Variants in CSMD3 observed in about 807,000 individuals in gnomAD.
CSMD3 encodes CUB and Sushi multiple domains 3, also known as CUB and sushi domain-containing protein 3.
In CSMD3, 177 loss-of-function variants were observed where a neutral mutation model predicts 435.2. That is an observed-to-expected ratio of 0.41 (90% CI 0.36 to 0.46). The LOEUF (loss-of-function observed/expected upper bound fraction) is 0.46, where lower values mean the gene tolerates loss of function less well. CSMD3 is among the 20% of genes least tolerant of loss of function. The pLI, the probability that CSMD3 is intolerant of heterozygous loss-of-function variation, is 0.34. For missense variants in CSMD3, 4,265 were observed against 4,504.6 expected (o/e 0.95, Z 1.52); for synonymous variants, 1,656 against 1,520.5 (o/e 1.09, Z -2.07).
chr8:113,429,010 A>G (rs2094653549), intron 1 of CSMD3, among the ~76,000 whole-genome samples: 1 of 151,828 alleles, frequency 6.6e-6, no homozygotes, highest in Admixed American at 6.6e-5. Context: ...TTATGAACTT[A>G]GCTTTTTAAG....
At chr8:112,978,695 T>C (rs2084940631) in intron 6 of CSMD3, among the ~76,000 whole-genome samples, 1 of 152,034 alleles carries the variant, frequency 6.6e-6, no homozygotes, top group African/African-American at 2.4e-5. Flanking sequence ...ACCAGATATG[T>C]ATTCCAACCA....
chr8:112,700,924 C>T (rs905383289), intron 13 of CSMD3, among the ~76,000 whole-genome samples: 5 of 152,138 alleles, frequency 3.3e-5, no homozygotes, highest in Admixed American at 3.3e-4. Flanking sequence ...TCTCCCAAAA[C>T]AGATGGTTCT....
At chr8:112,581,652 A>G (rs1263280868) in intron 23 of CSMD3, among the ~76,000 whole-genome samples, 1 of 152,100 alleles carries the variant, frequency 6.6e-6, no homozygotes, top group African/African-American at 2.4e-5. Context: ...AGCATTTACT[A>G]TACGACAAGC....
At chr8:112,395,359 C>T (rs760037516) in intron 35 of CSMD3, among the ~76,000 whole-genome samples, 19 of 151,854 alleles carry the variant, frequency 1.3e-4, no homozygotes, top group Non-Finnish European at 2.5e-4. Flanking sequence ...ATTCAAATGC[C>T]AAAAATTGCT....
chr8:112,808,763 C>G (rs2079152177), intron 12 of CSMD3, among the ~76,000 whole-genome samples: 1 of 151,904 alleles, frequency 6.6e-6, no homozygotes, highest in South Asian at 2.1e-4. Context: ...CTTTCTAAAC[C>G]AAAGTATAAC....
intron 5 of CSMD3, among the ~76,000 whole-genome samples, chr8:113,043,118 G>C (rs1382390436): frequency 1.3e-5 from 2 of 152,130 alleles, no homozygotes; most frequent in African/African-American, 2.4e-5. Flanking sequence ...AACTTGTTAA[G>C]TTGTCACACG....
rs2093339271 is a variant in CSMD3, at chr8:113,252,047, A to G, written c.514+26545T>C. Among the ~76,000 whole-genome samples the G allele has an allele frequency of 3.9e-5, 6 of 152,078 alleles. No homozygotes were observed. The South Asian group carries it at 1.2e-3, about 32-fold the overall frequency. On this transcript the variant is annotated intron_variant, in intron 3 of 70. Coordinates refer to ENST00000297405, the MANE Select transcript of CSMD3 (RefSeq NM_198123.2). ...ACCATAAGTGTAATTTACTTTTTAT[A>G]TTTTTCATACTGCTGCTATTATACT...
intron 31 of CSMD3, among the ~76,000 whole-genome samples, chr8:112,485,310 T>G (rs1346832228): frequency 6.6e-6 from 1 of 152,146 alleles, no homozygotes; most frequent in Non-Finnish European, 1.5e-5. Context: ...TGAACAAAAT[T>G]CCTGTGTGCT....
At chr8:112,467,631 A>T (rs538098546) in intron 32 of CSMD3, among the ~76,000 whole-genome samples, 2 of 152,298 alleles carry the variant, frequency 1.3e-5, no homozygotes, top group Admixed American at 6.5e-5. Flanking sequence ...GGGATTTTGC[A>T]GATGTGATTA....
At chr8:112,876,861 A>G (rs1216876224) in intron 10 of CSMD3, among the ~76,000 whole-genome samples, 1 of 152,142 alleles carries the variant, frequency 6.6e-6, no homozygotes, top group Non-Finnish European at 1.5e-5. Flanking sequence ...ACAAAACCCC[A>G]TTGTCTCAGC....
At chr8:112,360,459 A>G (rs1398984965) in intron 38 of CSMD3, among the ~76,000 whole-genome samples, 1 of 151,990 alleles carries the variant, frequency 6.6e-6, no homozygotes, top group Non-Finnish European at 1.5e-5. Context: ...AAATGACACA[A>G]AACTCTATAA....
intron 59 of CSMD3, among the ~76,000 whole-genome samples, chr8:112,273,958 A>C (rs1308183474): frequency 2.6e-5 from 4 of 151,566 alleles, no homozygotes. Context: ...AAAGCTATAC[A>C]GTATGGAGAG....
At chr8:113,008,974 T>C (rs1236050562) in intron 6 of CSMD3, among the ~76,000 whole-genome samples, 1 of 151,404 alleles carries the variant, frequency 6.6e-6, no homozygotes, top group Non-Finnish European at 1.5e-5. Context: ...AAATGTAAAA[T>C]ATATTAGTAA....
Position 112,336,737 on chromosome 8 carries a change from G to A in CSMD3, c.6934C>T (p.Leu2312Phe), listed in dbSNP as rs779974197. ...CCATTCCCAGGGGGTACTCTTACAA[G>A]CCAAAAACAATCTTGAAAGTTTGGA... ...EYPNFQDCFW[L>F]VRVPPGNGIY... Residue 2312 changes from leucine (L) to phenylalanine (F), a missense_variant, in exon 44 of 71, where the codon CTT (leucine) becomes TTT (phenylalanine). Physicochemically the swap from Leu to Phe is conservative, Grantham distance 22. Around this residue, in one of 3 missense-constraint regions of CSMD3, gnomAD observed 3,255 missense variants for 3,380.2 expected, o/e 0.96. Transcript: ENST00000297405. 1.2e-6 allele frequency: 2 copies of A among 1,612,892 alleles called. No individual in the cohort carries two copies. The highest frequency in any genetic ancestry group is 1.1e-5 in the South Asian group (1 of 91,066).
At chr8:112,865,629 G>T (rs1368132875) in intron 10 of CSMD3, among the ~76,000 whole-genome samples, 1 of 150,474 alleles carries the variant, frequency 6.6e-6, no homozygotes, top group East Asian at 2.0e-4. Context: ...TCCATACAAG[G>T]CCTATTCTGC....
rs1007737137 is a variant in CSMD3, at chr8:112,256,680, A to G, written c.9863-1253T>C. Among the ~76,000 whole-genome samples the G allele has an allele frequency of 9.2e-5, 14 of 152,360 alleles. No homozygotes were observed. The South Asian group carries it at 2.9e-3, about 32-fold the overall frequency. On this transcript the variant is annotated intron_variant, in intron 61 of 70. Coordinates refer to ENST00000297405, the MANE Select transcript of CSMD3 (RefSeq NM_198123.2). ...ATGTTTTTATTGTGGCAAAGAAAATACATAACATATAATTTATAAATTTAA... is the reference window on the plus strand; with the variant it reads ...ATGTTTTTATTGTGGCAAAGAAAATGCATAACATATAATTTATAAATTTAA...
chr8:112,514,266 G>A (rs139625489), intron 28 of CSMD3, among the ~76,000 whole-genome samples: 2 of 152,220 alleles, frequency 1.3e-5, no homozygotes, highest in East Asian at 1.9e-4. Context: ...AAGAAAAGCA[G>A]AGACATTATC....
intron 1 of CSMD3, among the ~76,000 whole-genome samples, chr8:113,424,275 G>A (rs894846509): frequency 6.6e-6 from 1 of 151,552 alleles, no homozygotes; most frequent in Non-Finnish European, 1.5e-5. Flanking sequence ...TGAAATGACA[G>A]TATTTTCCCC....
intron 3 of CSMD3, among the ~76,000 whole-genome samples, chr8:113,236,522 A>C (rs533687781): frequency 6.6e-5 from 10 of 151,670 alleles, no homozygotes; most frequent in East Asian, 3.9e-4. Flanking sequence ...GTCTCTCTCT[A>C]TCTCTCTCTC....
Sources: allele counts gnomAD v4.1 joint callset (sites outside exome capture counted in the v4.1 genomes callset), GRCh38; gene constraint gnomAD v4.1.1; regional missense constraint gnomAD v4.1.1; transcripts MANE v1.5; gene names NCBI Gene and HGNC (gene_info 2026-07-23, HGNC 2026-07-21).